Variants in EIF4G3 observed in about 807,000 individuals in gnomAD.
EIF4G3 encodes the protein eukaryotic translation initiation factor 4 gamma 3.
EIF4G3 carries 34 observed loss-of-function variants against 186.4 expected under a neutral mutation model. The ratio of observed to expected loss-of-function variants is 0.18; its 90% CI spans 0.14 to 0.24. The LOEUF (loss-of-function observed/expected upper bound fraction) is 0.24. Among genes scored for constraint, EIF4G3 ranks in the 10% least tolerant of loss-of-function variants. The pLI is 1.00. For missense variants in EIF4G3, 1,536 were observed against 1,948.5 expected (o/e 0.79, Z 3.99); for synonymous variants, 673 against 679.5 (o/e 0.99, Z 0.15).
At chr1:20,942,704 T>G (rs1474278296) in intron 13 of EIF4G3, among the ~76,000 whole-genome samples, 1 of 152,128 alleles carries the variant, frequency 6.6e-6, no homozygotes, top group Non-Finnish European at 1.5e-5. Flanking sequence ...CTAAAAAACT[T>G]TTTTTCCAAG....
At chr1:21,144,086 G>GC (rs1018612236) in intron 2 of EIF4G3, among the ~76,000 whole-genome samples, 1 of 151,966 alleles carries the variant, frequency 6.6e-6, no homozygotes, top group Non-Finnish European at 1.5e-5. Flanking sequence ...CATGTTTTTT[G>GC]CCCCCTTGGC....
chr1:21,125,178 G>A (rs2097005563), intron 2 of EIF4G3, among the ~76,000 whole-genome samples: 1 of 152,042 alleles, frequency 6.6e-6, no homozygotes, highest in Non-Finnish European at 1.5e-5. Flanking sequence ...GTGTAAAAAA[G>A]ACCAAATCTG....
chr1:20,928,952 T>C (rs1051951435), intron 14 of EIF4G3, among the ~76,000 whole-genome samples: 5 of 152,228 alleles, frequency 3.3e-5, no homozygotes, highest in African/African-American at 1.2e-4. Context: ...GATTTGCCTA[T>C]TCCTGACATT....
intron 14 of EIF4G3, among the ~76,000 whole-genome samples, chr1:20,920,439 C>T (rs2094397377): frequency 6.6e-6 from 1 of 152,000 alleles, no homozygotes; most frequent in South Asian, 2.1e-4. Flanking sequence ...ACAACTAAAA[C>T]TGAAAATTAT....
chr1:21,174,655 A>C (rs951025186), intron 2 of EIF4G3: 1 of 152,238 alleles, frequency 6.6e-6, no homozygotes, highest in African/African-American at 2.4e-5. Flanking sequence ...CTCTGCCTTT[A>C]AGTAGGCAAA....
At chr1:20,889,617 A>C (rs1041149597) in intron 18 of EIF4G3, among the ~76,000 whole-genome samples, 6 of 151,964 alleles carry the variant, frequency 3.9e-5, no homozygotes, top group Non-Finnish European at 7.4e-5. Context: ...CAGCCTCCCG[A>C]GTAGCTGGGA....
At chr1:21,134,305 C>T (rs957778761) in intron 2 of EIF4G3, among the ~76,000 whole-genome samples, 8 of 152,096 alleles carry the variant, frequency 5.3e-5, no homozygotes, top group African/African-American at 1.9e-4. Context: ...TTAATAATTC[C>T]AATTTCTTCT....
At chr1:20,989,144 T>C (rs1175394292) in intron 7 of EIF4G3, among the ~76,000 whole-genome samples, 1 of 139,126 alleles carries the variant, frequency 7.2e-6, no homozygotes, top group Non-Finnish European at 1.5e-5. Flanking sequence ...AATATCAACA[T>C]TCACAAGCAT....
chr1:21,171,631 T>G (rs1056384736), intron 2 of EIF4G3, among the ~76,000 whole-genome samples: 1 of 152,146 alleles, frequency 6.6e-6, no homozygotes, highest in Admixed American at 6.6e-5. Context: ...AAAGAAAACA[T>G]TAACTGGTTT....
intron 18 of EIF4G3, among the ~76,000 whole-genome samples, chr1:20,890,593 C>T (rs1362857255): frequency 6.6e-6 from 1 of 152,096 alleles, no homozygotes; most frequent in Non-Finnish European, 1.5e-5. Context: ...GTAGATGGCA[C>T]TACAGGTGTG....
chr1:20,872,009 G>A (rs1436119434), intron 20 of EIF4G3, among the ~76,000 whole-genome samples: 2 of 151,912 alleles, frequency 1.3e-5, no homozygotes, highest in Admixed American at 1.3e-4. Flanking sequence ...TTTTCCAACA[G>A]TACAAAATAA....
intron 2 of EIF4G3, among the ~76,000 whole-genome samples, chr1:21,097,018 C>A (rs1281305083): frequency 6.6e-6 from 1 of 151,940 alleles, no homozygotes; most frequent in South Asian, 2.1e-4. Flanking sequence ...GAACTGTACA[C>A]CGAAAAATGA....
chr1:20,915,850 GT>G (rs1558219447), intron 14 of EIF4G3, among the ~76,000 whole-genome samples: 1 of 152,182 alleles, frequency 6.6e-6, no homozygotes, highest in African/African-American at 2.4e-5. Flanking sequence ...TGTATTGAAG[GT>G]TCCAGCTAGT....
chr1:21,007,515 T>TAAAAAAAAAAAA (rs368328382), intron 4 of EIF4G3, among the ~76,000 whole-genome samples: 176 of 14,584 alleles, frequency 0.012, 17 homozygotes, highest in Non-Finnish European at 0.023. Context: ...GGCCCCTCCT[T>TAAAAAAAAAAAA]AAAAAAAAAA....
At chr1:20,909,529 A>T (rs1247721778) in intron 14 of EIF4G3, among the ~76,000 whole-genome samples, 19 of 152,018 alleles carry the variant, frequency 1.2e-4, no homozygotes, top group Admixed American at 1.2e-3. Context: ...ATATAAAGTT[A>T]AAAAAAACAC....
chr1:20,996,586 A>G (rs1003448590), intron 7 of EIF4G3, among the ~76,000 whole-genome samples: 1 of 152,212 alleles, frequency 6.6e-6, no homozygotes, highest in Non-Finnish European at 1.5e-5. Context: ...ACTCAGTAAT[A>G]AGAATTGTAA....
chr1:21,044,797 G>A (rs534758116), intron 4 of EIF4G3, among the ~76,000 whole-genome samples: 1 of 152,058 alleles, frequency 6.6e-6, no homozygotes, highest in African/African-American at 2.4e-5. Context: ...ACAAGTGTGT[G>A]CCATCACACC....
intron 4 of EIF4G3, among the ~76,000 whole-genome samples, chr1:21,043,868 CGCA>C (rs1557676940): frequency 3.5e-4 from 7 of 20,276 alleles, no homozygotes; most frequent in Non-Finnish European, 3.8e-4. Flanking sequence ...GAAACCTTGG[CGCA>C]AAAAAAAAAA....
chr1:20,807,755 GTTTTTTTTTTTTTTT>G (rs67864326), intron 36 of EIF4G3, among the ~76,000 whole-genome samples: 9 of 63,868 alleles, frequency 1.4e-4, no homozygotes, highest in Non-Finnish European at 1.9e-4. Context: ...CTTTTTTTCT[GTTTTTTTTTTTTTTT>G]TTTTTTTTTT....
Sources: allele counts gnomAD v4.1 joint callset (sites outside exome capture counted in the v4.1 genomes callset), GRCh38; gene constraint gnomAD v4.1.1; transcripts MANE v1.5; gene names NCBI Gene and HGNC (gene_info 2026-07-23, HGNC 2026-07-21).